Variants in LTAP1 observed in about 807,000 individuals in gnomAD.
LTAP1 encodes the protein HCV NS5A-transactivated protein 4.
the LTAP1 span, chr1:154,212,367 C>T: frequency 6.2e-7 from 1 of 1,614,170 alleles, no homozygotes; most frequent in South Asian, 1.1e-5. Flanking sequence ...GGTACTCATT[C>T]TGGCCAAAGA....
the LTAP1 span, chr1:154,213,939 G>C: frequency 6.2e-7 from 1 of 1,612,596 alleles, no homozygotes; most frequent in Non-Finnish European, 8.5e-7. Context: ...ACAGATAGTT[G>C]TAGCAACCTG....
chr1:154,220,269 G>C, the LTAP1 span: 346 of 1,548,290 alleles, frequency 2.2e-4, no homozygotes, highest in African/African-American at 4.3e-3. Context: ...AATGCAGACG[G>C]GGTACAGCTC....
chr1:154,210,790 T>C, the LTAP1 span, among the ~76,000 whole-genome samples: 47 of 151,466 alleles, frequency 3.1e-4, no homozygotes, highest in African/African-American at 9.9e-4. Flanking sequence ...GTTTTTACTC[T>C]AGATTGGCTT....
the LTAP1 span, chr1:154,214,408 T>G: frequency 8.1e-7 from 1 of 1,227,746 alleles, no homozygotes; most frequent in Non-Finnish European, 1.2e-6. Flanking sequence ...AAAGGAATTC[T>G]GGACTTGTGG....
the LTAP1 span, chr1:154,214,584 TA>T: frequency 1.9e-6 from 3 of 1,562,608 alleles, no homozygotes; most frequent in Non-Finnish European, 2.6e-6. Flanking sequence ...CCTGTTCACA[TA>T]AAAAAAGAAT....
the LTAP1 span, among the ~76,000 whole-genome samples, chr1:154,208,320 C>T: frequency 6.6e-6 from 1 of 152,174 alleles, no homozygotes; most frequent in South Asian, 2.1e-4. Context: ...CGCTTGAACC[C>T]AGAATTCGAG....
chr1:154,208,489 A>C, the LTAP1 span: 1 of 152,172 alleles, frequency 6.6e-6, no homozygotes, highest in African/African-American at 2.4e-5. Context: ...ACCTACTCAT[A>C]CCAAAAACAA....
chr1:154,216,860 G>A, the LTAP1 span, among the ~76,000 whole-genome samples: 1 of 151,258 alleles, frequency 6.6e-6, no homozygotes, highest in Non-Finnish European at 1.5e-5. Context: ...TATTGCCTAC[G>A]CTGGTCTCGA....
At chr1:154,210,556 C>T in the LTAP1 span, among the ~76,000 whole-genome samples, 3 of 152,192 alleles carry the variant, frequency 2.0e-5, no homozygotes, top group African/African-American at 7.2e-5. Flanking sequence ...TGGCTCACTG[C>T]AACCTCCACC....
the LTAP1 span, chr1:154,220,284 G>A: frequency 6.3e-7 from 1 of 1,595,016 alleles, no homozygotes; most frequent in Non-Finnish European, 8.6e-7. Flanking sequence ...CAGCTCAAAA[G>A]GAGGGTCTCT....
chr1:154,217,555 C>G, the LTAP1 span, among the ~76,000 whole-genome samples: 1 of 152,058 alleles, frequency 6.6e-6, no homozygotes, highest in Admixed American at 6.6e-5. Flanking sequence ...TTTGGTGAGA[C>G]AGAGTCTCGC....
chr1:154,210,186 G>A, the LTAP1 span, among the ~76,000 whole-genome samples: 1 of 152,034 alleles, frequency 6.6e-6, no homozygotes, highest in Non-Finnish European at 1.5e-5. Context: ...TTACAGGCAT[G>A]TGCCACCACA....
At chr1:154,208,232 T>C in the LTAP1 span, among the ~76,000 whole-genome samples, 1 of 152,002 alleles carries the variant, frequency 6.6e-6, no homozygotes, top group Non-Finnish European at 1.5e-5. Flanking sequence ...AGTGAGACCC[T>C]ATCTCTGCAA....
the LTAP1 span, among the ~76,000 whole-genome samples, chr1:154,210,926 C>G: frequency 1.3e-5 from 2 of 152,210 alleles, no homozygotes; most frequent in Non-Finnish European, 2.9e-5. Flanking sequence ...TGCTCAACAG[C>G]TGACTCTATA....
the LTAP1 span, among the ~76,000 whole-genome samples, chr1:154,211,101 G>C: frequency 6.6e-6 from 1 of 151,542 alleles, no homozygotes; most frequent in Non-Finnish European, 1.5e-5. Context: ...CCACCTCCCG[G>C]GTTCAAGTGA....
the LTAP1 span, among the ~76,000 whole-genome samples, chr1:154,216,381 CTGG>C: frequency 6.6e-5 from 10 of 152,064 alleles, no homozygotes; most frequent in Admixed American, 5.2e-4. Flanking sequence ...GTCACCCAGG[CTGG>C]AGTGCAATGG....
chr1:154,208,306 G>A, the LTAP1 span, among the ~76,000 whole-genome samples: 1 of 152,090 alleles, frequency 6.6e-6, no homozygotes, highest in African/African-American at 2.4e-5. Flanking sequence ...TGAGGCAGGA[G>A]GATCGCTTGA....
chr1:154,215,392 CTG>C, the LTAP1 span, among the ~76,000 whole-genome samples: 21 of 151,786 alleles, frequency 1.4e-4, no homozygotes, highest in African/African-American at 5.1e-4. Flanking sequence ...CGGTGAAACC[CTG>C]TCTCTACTAA....
chr1:154,207,535 C>G, the LTAP1 span: 1 of 1,614,180 alleles, frequency 6.2e-7, no homozygotes, highest in Non-Finnish European at 8.5e-7. Flanking sequence ...ACTCTTCTGA[C>G]TGGAGGGGAG....
Sources: allele counts gnomAD v4.1 joint callset (sites outside exome capture counted in the v4.1 genomes callset), GRCh38; gene constraint gnomAD v4.1.1; transcripts MANE v1.5; gene names NCBI Gene and HGNC (gene_info 2026-07-23, HGNC 2026-07-21).